TXNDC9: variants seen among roughly 807,000 people sequenced by gnomAD.
TXNDC9 encodes thioredoxin domain-containing protein 9.
In TXNDC9, 7 loss-of-function variants were observed where a neutral mutation model predicts 23.0. The ratio of observed to expected loss-of-function variants is 0.30; its 90% confidence interval spans 0.17 to 0.57. TXNDC9 has a LOEUF of 0.57. Ranked by LOEUF, TXNDC9 falls within the 20% of genes least tolerant of loss-of-function variation. The probability of loss-of-function intolerance (pLI) is 0.90; values close to 1 mark genes in which losing one functional copy is unlikely to be tolerated. For synonymous variants in TXNDC9, 72 were observed against 90.6 expected (o/e 0.79, Z 1.17); for missense variants, 198 against 252.6 (o/e 0.78, Z 1.47).
At chr2:99,322,976 T>C (rs2094205829) in intron 3 of TXNDC9, among the ~76,000 whole-genome samples, 1 of 152,062 alleles carries the variant, frequency 6.6e-6, no homozygotes, top group African/African-American at 2.4e-5. Flanking sequence ...TTAGCCAGGA[T>C]GGTCTTGATC....
downstream of TXNDC9, among the ~76,000 whole-genome samples, chr2:99,315,596 C>T (rs917130297): frequency 2.0e-5 from 3 of 152,104 alleles, no homozygotes; most frequent in Non-Finnish European, 4.4e-5. Flanking sequence ...AACCCAAAGT[C>T]GTGAAGATTT....
At chr2:99,314,659 T>C (rs866212151), downstream of TXNDC9, among the ~76,000 whole-genome samples, 53 of 148,858 alleles carry the variant, frequency 3.6e-4, no homozygotes, top group African/African-American at 1.3e-3. Flanking sequence ...GCCTCCTGAG[T>C]AGCTGGTACT....
intron 3 of TXNDC9, among the ~76,000 whole-genome samples, chr2:99,323,679 T>C (rs2094207394): frequency 1.3e-5 from 2 of 152,064 alleles, no homozygotes; most frequent in Non-Finnish European, 2.9e-5. Flanking sequence ...GGGGTTACAG[T>C]GAGCTAAGAT....
chr2:99,307,036 T>TC, the TXNDC9 span, among the ~76,000 whole-genome samples: 1,383 of 29,866 alleles, frequency 0.046, 4 homozygotes, highest in Middle Eastern at 0.16. Flanking sequence ...CCTTCTTCCT[T>TC]TTCTTTCTTC....
downstream of TXNDC9, among the ~76,000 whole-genome samples, chr2:99,315,794 G>C (rs2105315506): frequency 6.6e-6 from 1 of 152,224 alleles, no homozygotes; most frequent in East Asian, 1.9e-4. Context: ...AACATCAACT[G>C]ACTACAAAAC....
Position 99,322,169 on chromosome 2 carries a change from T to G in TXNDC9, c.349A>C (p.Lys117Gln), listed in dbSNP as rs773008674. The G allele has an allele frequency of 5.6e-6, 9 of 1,614,062 alleles. No homozygotes were observed. The African/African-American group carries it at 1.2e-4, about 22-fold the overall frequency. ...TTCAAAAATTTGGTCTCGAGGTGTT[T>G]CTTGGACAATATTGCCAGATGTCTG... is the stretch of plus-strand genomic sequence containing the variant. ...LDRHLAILSK[K>Q]HLETKFLKLN... The change falls in exon 4 of 5, where the codon AAA becomes CAA. Residue 117 changes from lysine (K) to glutamine (Q), a missense_variant. By Grantham distance (53) the Lys-to-Gln change is moderately conservative. Coordinates refer to ENST00000264255, the MANE Select transcript of TXNDC9 (RefSeq NM_005783.4).
At chr2:99,330,526 G>A (rs1354362381) in intron 2 of TXNDC9, among the ~76,000 whole-genome samples, 1 of 151,912 alleles carries the variant, frequency 6.6e-6, no homozygotes, top group Admixed American at 6.6e-5. Flanking sequence ...CTGCAGAACA[G>A]AATCAAGCAG....
the TXNDC9 span, among the ~76,000 whole-genome samples, chr2:99,310,007 G>A: frequency 6.6e-6 from 1 of 152,072 alleles, no homozygotes; most frequent in East Asian, 1.9e-4. Context: ...TTTCTGAGTC[G>A]GCTTTGTCGT....
the TXNDC9 span, among the ~76,000 whole-genome samples, chr2:99,313,177 AAACAACAAC>A: frequency 6.6e-6 from 1 of 151,946 alleles, no homozygotes; most frequent in African/African-American, 2.4e-5. Flanking sequence ...AAACAAACAA[AAACAACAAC>A]AACAACAATA....
intron 1 of TXNDC9, among the ~76,000 whole-genome samples, chr2:99,335,219 C>CT (rs2094235828): frequency 6.6e-6 from 1 of 152,208 alleles, no homozygotes; most frequent in South Asian, 2.1e-4. Flanking sequence ...TCACAACAAA[C>CT]TGTGAATTCA....
chr2:99,320,693 G>A (rs1287667360), intron 4 of TXNDC9, among the ~76,000 whole-genome samples: 5 of 152,150 alleles, frequency 3.3e-5, no homozygotes, highest in East Asian at 3.8e-4. Context: ...CTGTCGCTAC[G>A]TAAGAAAATG....
chr2:99,308,073 C>CT, the TXNDC9 span, among the ~76,000 whole-genome samples: 1 of 152,216 alleles, frequency 6.6e-6, no homozygotes, highest in Non-Finnish European at 1.5e-5. Context: ...CCAAGTCTCT[C>CT]TGATTTGCTC....
chr2:99,308,718 AT>A, the TXNDC9 span, among the ~76,000 whole-genome samples: 199 of 149,176 alleles, frequency 1.3e-3, no homozygotes, highest in African/African-American at 4.4e-3. Context: ...AAATAAAATA[AT>A]TTTTTTTTTT....
chr2:99,331,595 C>T (rs979486417), intron 2 of TXNDC9, among the ~76,000 whole-genome samples: 6 of 151,496 alleles, frequency 4.0e-5, no homozygotes, highest in East Asian at 1.9e-4. Flanking sequence ...AGCCATATAA[C>T]GTACTCTATT....
rs888008358 is a variant in TXNDC9, at chr2:99,323,013, G to A, written c.309-804C>T. Among the ~76,000 whole-genome samples, 85 of 151,958 alleles carry A rather than the reference G, an allele frequency of 5.6e-4. 1 individual carries two copies. The highest frequency in any genetic ancestry group is 5.2e-3 in the Admixed American group (79 of 15,254). On this transcript the variant is annotated intron_variant, in intron 3 of 4. Transcript: ENST00000264255. ...CCTGACCTTGTGATCCGCCTGCCTC[G>A]GCCTCCCGAAGTGCTAGGATTACAA...
chr2:99,308,428 G>T, the TXNDC9 span, among the ~76,000 whole-genome samples: 1 of 152,170 alleles, frequency 6.6e-6, no homozygotes, highest in Admixed American at 6.6e-5. Context: ...CTAAAAAGTT[G>T]TATTTTTCTC....
chr2:99,325,881 G>A (rs1296278916), intron 3 of TXNDC9, among the ~76,000 whole-genome samples: 1 of 151,998 alleles, frequency 6.6e-6, no homozygotes, highest in Non-Finnish European at 1.5e-5. Context: ...TGTAGTGGTG[G>A]GTGACTGTAG....
At chr2:99,322,505 A>G (rs571688974) in intron 3 of TXNDC9, 6 of 1,453,782 alleles carry the variant, frequency 4.1e-6, no homozygotes, top group Non-Finnish European at 3.6e-6. Flanking sequence ...TATCTCCTAC[A>G]CAGGAAACTT....
intron 2 of TXNDC9, among the ~76,000 whole-genome samples, chr2:99,330,750 C>T (rs772278191): frequency 2.0e-5 from 3 of 152,222 alleles, no homozygotes; most frequent in Non-Finnish European, 4.4e-5. Context: ...TCAATGCATA[C>T]AATGATCTCC....
Sources: gnomAD v4.1 joint callset for allele counts (sites outside exome capture counted in the v4.1 genomes callset) on GRCh38, gnomAD v4.1.1 for gene constraint, MANE v1.5 for transcripts, NCBI Gene and HGNC (gene_info 2026-07-23, HGNC 2026-07-21) for gene names.